The following FGF12 variants were observed in gnomAD, a reference collection of about 807,000 sequenced individuals.
FGF12 encodes the protein fibroblast growth factor 12, also known as fibroblast growth factor 12B.
A neutral mutation model predicts 23.6 loss-of-function variants in FGF12; 14 were observed. The observed-to-expected ratio is 0.59, with a 90% CI of 0.39 to 0.93. FGF12 has a LOEUF of 0.93. FGF12 is among the 40% of genes least tolerant of loss of function. FGF12 has a pLI of 0.00. For missense variants in FGF12, 175 were observed against 217.8 expected, an observed-to-expected ratio of 0.80 and a Z score of 1.24; for synonymous variants, 62 against 77.3, an observed-to-expected ratio of 0.80 and a Z score of 1.04.
intron 4 of FGF12, among the ~76,000 whole-genome samples, chr3:192,293,194 A>T (rs529245356): frequency 6.6e-6 from 1 of 152,282 alleles, no homozygotes; most frequent in East Asian, 1.9e-4. Context: ...TAATTCAATC[A>T]AAGTTTTCTC....
rs1157534147 is a variant in FGF12, at chr3:192,143,243, A to G, written c.*766T>C. 6.6e-6 allele frequency: 1 copy of G among 151,600 alleles called. No individual in the cohort carries two copies. The highest frequency in any genetic ancestry group is 1.5e-5 in the Non-Finnish European group (1 of 67,862). 9.4% of individuals were successfully genotyped at this position (151,600 alleles called of 1,614,324 possible). A position where few individuals can be genotyped will look rare whatever the true frequency, so the allele number is the denominator to read the frequency against. ...TACTAAAAAAAAAAAAAAAAGAAAG[A>G]AAGAAGAACTCCGGAAATAATATCT... On this transcript the variant is annotated 3_prime_UTR_variant, in exon 6 of 6. Coordinates refer to ENST00000445105, the MANE Select transcript of FGF12 (RefSeq NM_004113.6).
chr3:192,318,827 G>A (rs181873815), intron 4 of FGF12, among the ~76,000 whole-genome samples: 5 of 152,062 alleles, frequency 3.3e-5, no homozygotes, highest in South Asian at 4.2e-4. Context: ...AGAAAGGATC[G>A]TAAAAGCAGG....
At chr3:192,665,428 C>G (rs778854670) in intron 2 of FGF12, among the ~76,000 whole-genome samples, 1 of 152,010 alleles carries the variant, frequency 6.6e-6, no homozygotes, top group Non-Finnish European at 1.5e-5. Context: ...TACTATGCAG[C>G]CATAAAAAAG....
chr3:192,298,446 T>G (rs763255355), intron 4 of FGF12, among the ~76,000 whole-genome samples: 8 of 152,186 alleles, frequency 5.3e-5, no homozygotes, highest in Non-Finnish European at 1.0e-4. Flanking sequence ...CTGGGTAATT[T>G]ATTTTAAAAA....
At chr3:192,186,450 C>T (rs1159892321) in intron 4 of FGF12, among the ~76,000 whole-genome samples, 1 of 152,138 alleles carries the variant, frequency 6.6e-6, no homozygotes, top group Non-Finnish European at 1.5e-5. Flanking sequence ...TGTGGTTGTG[C>T]ACATAGTAAG....
At chr3:192,727,461 G>C in intron 1 of FGF12, 23 bp downstream of exon 1, 1 of 687,674 alleles carries the variant, frequency 1.5e-6, no homozygotes, top group Non-Finnish European at 2.2e-6. Context: ...TGCCCGCTCA[G>C]ATTTTTTTTT....
intron 4 of FGF12, among the ~76,000 whole-genome samples, chr3:192,232,148 T>C (rs1311860950): frequency 1.3e-5 from 2 of 152,252 alleles, no homozygotes; most frequent in African/African-American, 4.8e-5. Flanking sequence ...CCAGGCTATA[T>C]GTGGTAGCTC....
At chr3:192,405,141 G>A (rs972951867) in intron 2 of FGF12, among the ~76,000 whole-genome samples, 1 of 151,050 alleles carries the variant, frequency 6.6e-6, no homozygotes, top group African/African-American at 2.5e-5. Flanking sequence ...CAAAGACAGA[G>A]ATTTTGCTGC....
intron 2 of FGF12, among the ~76,000 whole-genome samples, chr3:192,434,149 T>C (rs191023050): frequency 4.5e-4 from 68 of 152,232 alleles, no homozygotes; most frequent in African/African-American, 1.6e-3. Flanking sequence ...ATTCTCACTT[T>C]TGCAAATAAA....
intron 4 of FGF12, among the ~76,000 whole-genome samples, chr3:192,331,311 CAAAAAAAAAA>C (rs201997868): frequency 1.7e-3 from 161 of 95,992 alleles, no homozygotes; most frequent in African/African-American, 5.0e-3. Context: ...GGAGTTTTCT[CAAAAAAAAAA>C]AAAAAAAAAA....
chr3:192,462,484 T>A (rs1722893355), intron 2 of FGF12, among the ~76,000 whole-genome samples: 1 of 151,866 alleles, frequency 6.6e-6, no homozygotes, highest in African/African-American at 2.4e-5. Flanking sequence ...CTGTAGAGAG[T>A]CCCTACCAGC....
intron 2 of FGF12, among the ~76,000 whole-genome samples, chr3:192,577,098 T>C (rs181874759): frequency 3.9e-4 from 59 of 152,192 alleles, no homozygotes; most frequent in African/African-American, 1.3e-3. Context: ...GAGAAATACC[T>C]AATGTAGATG....
At chr3:192,671,776 AACAC>A (rs3044660) in intron 2 of FGF12, among the ~76,000 whole-genome samples, 2,852 of 149,450 alleles carry the variant, frequency 0.019, 83 homozygotes, top group African/African-American at 0.063. Flanking sequence ...CTTCTTGACC[AACAC>A]ACACACACAC....
chr3:192,638,399 C>T (rs1393593254), intron 2 of FGF12, among the ~76,000 whole-genome samples: 2 of 152,120 alleles, frequency 1.3e-5, no homozygotes, highest in African/African-American at 2.4e-5. Flanking sequence ...TACTTAAATA[C>T]TACTCAATTG....
chr3:192,562,409 C>A (rs968080983), intron 2 of FGF12, among the ~76,000 whole-genome samples: 2 of 151,878 alleles, frequency 1.3e-5, no homozygotes, highest in African/African-American at 2.4e-5. Context: ...AATAGAAACA[C>A]AAAGAATGCA....
chr3:192,706,921 T>C (rs537630235), intron 2 of FGF12, among the ~76,000 whole-genome samples: 31 of 152,216 alleles, frequency 2.0e-4, no homozygotes, highest in Middle Eastern at 3.2e-3. Flanking sequence ...TAGAAGATGA[T>C]TTCAAAAGAA....
At chr3:192,216,139 A>G (rs934683645) in intron 4 of FGF12, among the ~76,000 whole-genome samples, 1 of 152,150 alleles carries the variant, frequency 6.6e-6, no homozygotes, top group Non-Finnish European at 1.5e-5. Flanking sequence ...TACAAAGACA[A>G]TGTAGTGTAT....
At chr3:192,345,064 C>T (rs894534110) in intron 3 of FGF12, among the ~76,000 whole-genome samples, 1 of 152,154 alleles carries the variant, frequency 6.6e-6, no homozygotes, top group Non-Finnish European at 1.5e-5. Flanking sequence ...TTTGCATCCT[C>T]TATAAACCTT....
chr3:192,417,941 G>C (rs1721406137), intron 2 of FGF12, among the ~76,000 whole-genome samples: 1 of 152,018 alleles, frequency 6.6e-6, no homozygotes, highest in South Asian at 2.1e-4. Context: ...CCTGGATTTT[G>C]AATAATTTGC....
Sources: gnomAD v4.1 joint callset for allele counts (sites outside exome capture counted in the v4.1 genomes callset) on GRCh38, gnomAD v4.1.1 for gene constraint, MANE v1.5 for transcripts, NCBI Gene and HGNC (gene_info 2026-07-23, HGNC 2026-07-21) for gene names.